PAPSS2: variants seen among roughly 807,000 people sequenced by gnomAD.
PAPSS2 encodes 3'-phosphoadenosine 5'-phosphosulfate synthase 2.
A neutral mutation model predicts 66.5 loss-of-function variants in PAPSS2; 61 were observed. That is an observed-to-expected ratio of 0.92 (90% CI 0.75 to 1.14). PAPSS2 has a LOEUF of 1.14. PAPSS2 is among the 50% of genes most tolerant of loss of function. The probability of loss-of-function intolerance (pLI) is 0.00; values close to 1 mark genes in which losing one functional copy is unlikely to be tolerated. For missense variants in PAPSS2, 708 were observed against 789.6 expected (o/e 0.90, Z 1.24); for synonymous variants, 289 against 287.5 (o/e 1.01, Z -0.05).
intron 1 of PAPSS2, among the ~76,000 whole-genome samples, chr10:87,707,539 A>G (rs1853406261): frequency 6.7e-6 from 1 of 148,606 alleles, no homozygotes; most frequent in Non-Finnish European, 1.5e-5. Context: ...AAGCAAAAAG[A>G]GGTGAGTTTT....
rs567015348 is a variant in PAPSS2, at chr10:87,743,510, A to G, written c.1360A>G (p.Lys454Glu). ...LLLHPLGGWT[K>E]DDDVPLDWRM... Reference sequence around the variant, plus strand: ...ACTACACCCTCTGGGCGGCTGGACCAAGGATGACGATGTGCCTCTAGACTG... The same window carrying G: ...ACTACACCCTCTGGGCGGCTGGACCGAGGATGACGATGTGCCTCTAGACTG... The change falls in exon 11 of 13, where the codon AAG (lysine) becomes GAG (glutamate). Residue 454 changes from lysine to glutamate, a missense_variant. Transcript: ENST00000456849. 4 of 1,614,148 alleles carry G rather than the reference A, an allele frequency of 2.5e-6. No homozygotes were observed. The highest frequency in any genetic ancestry group is 2.2e-5 in the South Asian group (2 of 91,078).
chr10:87,728,075 T>A (rs1330718457), intron 9 of PAPSS2, among the ~76,000 whole-genome samples: 1 of 152,186 alleles, frequency 6.6e-6, no homozygotes. Context: ...AATGTGTTCA[T>A]CTGATAGGAT....
chr10:87,733,514 T>G (rs1344916033), intron 9 of PAPSS2, among the ~76,000 whole-genome samples: 1 of 152,200 alleles, frequency 6.6e-6, no homozygotes, highest in Admixed American at 6.5e-5. Context: ...GAACAGAATA[T>G]GACTTCTCAA....
chr10:87,701,103 A>G (rs555238516), intron 1 of PAPSS2, among the ~76,000 whole-genome samples: 44 of 151,706 alleles, frequency 2.9e-4, no homozygotes, highest in Non-Finnish European at 1.3e-4. Context: ...GTGATATATA[A>G]TAAAGTACAT....
chr10:87,714,151 CT>C lies in PAPSS2; in HGVS notation c.490del (p.Tyr164IlefsTer36). 1 of 1,613,836 alleles carries C rather than the reference CT, an allele frequency of 6.2e-7. No individual in the cohort carries two copies. The highest frequency in any genetic ancestry group is 8.5e-7 in the Non-Finnish European group (1 of 1,179,930). ...GTGAAAGCAGAGACGTAAAAGGCCT[CT>C]ATAAAAGGGCCAGAGCTGGGGAGAT... ...ICESRDVKGLYKRARAGEIKG... is the reference protein window; with the variant it reads ...ICESRDVKGLXKRARAGEIKG... On this transcript the variant is annotated frameshift_variant, in exon 4 of 13. Coordinates refer to ENST00000456849, the MANE Select transcript of PAPSS2 (RefSeq NM_001015880.2). LOFTEE classifies it high-confidence loss of function.
intron 9 of PAPSS2, among the ~76,000 whole-genome samples, chr10:87,738,593 A>G (rs1853829582): frequency 6.6e-6 from 1 of 152,148 alleles, no homozygotes; most frequent in African/African-American, 2.4e-5. Context: ...TATTTTATGA[A>G]GAGATGGGGT....
rs552230492 is a variant in PAPSS2 at position 87,709,014 on chromosome 10, G to A, written c.28-182G>A. Among the ~76,000 whole-genome samples, 8 of 152,194 alleles carry A rather than the reference G, an allele frequency of 5.3e-5. 1 individual carries two copies. Among genetic ancestry groups the A allele is most frequent in the African/African-American group, 1.9e-4 (8 of 41,514 alleles). ...TGTAGCTAATGGCTCAGGGTAATCT[G>A]CAGAAATGAAAAAAACTATATTAGA... On this transcript the variant is annotated intron_variant, in intron 1 of 12. Coordinates refer to ENST00000456849, the MANE Select transcript of PAPSS2 (RefSeq NM_001015880.2).
intron 1 of PAPSS2, among the ~76,000 whole-genome samples, chr10:87,660,740 C>T (rs1306939823): frequency 6.8e-6 from 1 of 146,386 alleles, no homozygotes; most frequent in Non-Finnish European, 1.5e-5. Flanking sequence ...AACATGGGCA[C>T]CTATAAATTT....
intron 1 of PAPSS2, among the ~76,000 whole-genome samples, chr10:87,664,756 C>T (rs1261035497): frequency 2.0e-5 from 3 of 152,114 alleles, no homozygotes; most frequent in Non-Finnish European, 4.4e-5. Flanking sequence ...GTAATGGGCA[C>T]TCATTAGTCT....
chr10:87,670,199 G>C (rs921898225), intron 1 of PAPSS2, among the ~76,000 whole-genome samples: 7 of 152,234 alleles, frequency 4.6e-5, no homozygotes, highest in African/African-American at 1.7e-4. Flanking sequence ...GGCTATGTCA[G>C]TATTCAGCAA....
intron 1 of PAPSS2, among the ~76,000 whole-genome samples, chr10:87,682,253 C>T (rs1853030285): frequency 6.6e-6 from 1 of 152,162 alleles, no homozygotes; most frequent in Non-Finnish European, 1.5e-5. Context: ...GGCTATAGAG[C>T]AGCAAAGGTC....
chr10:87,737,176 A>C (rs1225149640), intron 9 of PAPSS2, among the ~76,000 whole-genome samples: 1 of 152,112 alleles, frequency 6.6e-6, no homozygotes, highest in Non-Finnish European at 1.5e-5. Flanking sequence ...TGAGATAGAC[A>C]CAACCAAAGG....
Position 87,715,113 on chromosome 10 carries a change from A to G in PAPSS2, c.753+15A>G. Reference sequence around the variant, plus strand: ...CAATTACTAAGGTAAGTGGGTGCAGACTGGTCAAATAATTAGGCTTAATAT... The same window carrying G: ...CAATTACTAAGGTAAGTGGGTGCAGGCTGGTCAAATAATTAGGCTTAATAT... On this transcript the variant is annotated intron_variant, in intron 6 of 12. Transcript: ENST00000456849. 1 of 1,316,158 alleles carries G rather than the reference A, an allele frequency of 7.6e-7. No homozygotes were observed. Among genetic ancestry groups the G allele is most frequent in the African/African-American group, 1.4e-5 (1 of 69,128 alleles). The allele number at this position is 1,316,158 out of a possible 1,614,324, so 81.5% of individuals were successfully genotyped here.
At chr10:87,714,905 C>T (rs776717524) in intron 5 of PAPSS2, 42 bp downstream of exon 5, 1 of 1,447,140 alleles carries the variant, frequency 6.9e-7, no homozygotes, top group South Asian at 1.1e-5. Flanking sequence ...TTAATAAAAT[C>T]ATGAAAGACA....
At chr10:87,698,813 G>A (rs1200806131) in intron 1 of PAPSS2, among the ~76,000 whole-genome samples, 2 of 152,208 alleles carry the variant, frequency 1.3e-5, no homozygotes, top group East Asian at 3.8e-4. Context: ...TTGAGCCCAA[G>A]AGTTCAAGTC....
intron 1 of PAPSS2, among the ~76,000 whole-genome samples, chr10:87,683,344 C>T (rs1337929671): frequency 1.3e-5 from 2 of 152,160 alleles, no homozygotes. Context: ...CCACCCACCT[C>T]AGGTGATCCG....
At chr10:87,705,506 C>G (rs1853371515) in intron 1 of PAPSS2, among the ~76,000 whole-genome samples, 1 of 151,926 alleles carries the variant, frequency 6.6e-6, no homozygotes. Flanking sequence ...TTTTTTTTCC[C>G]AGGATGATTG....
intron 11 of PAPSS2, 113 bp from the exon 12 acceptor site, chr10:87,744,889 A>T: frequency 1.2e-6 from 1 of 868,758 alleles, no homozygotes; most frequent in Non-Finnish European, 1.9e-6. Context: ...TGCAATTCTT[A>T]GTTGACTCAC....
intron 1 of PAPSS2, among the ~76,000 whole-genome samples, chr10:87,673,578 ATG>A (rs35768490): frequency 0.42 from 61,862 of 147,966 alleles, 13,649 homozygotes; most frequent in East Asian, 0.72. Context: ...GTATGTATTC[ATG>A]TGTGTGTGTG....
Sources: allele counts gnomAD v4.1 joint callset (sites outside exome capture counted in the v4.1 genomes callset), GRCh38; gene constraint gnomAD v4.1.1; transcripts MANE v1.5; gene names NCBI Gene and HGNC (gene_info 2026-07-23, HGNC 2026-07-21).